The following VPS54 variants were observed in gnomAD, a reference collection of about 807,000 sequenced individuals.
VPS54 encodes the protein VPS54 subunit of GARP complex.
VPS54 carries 45 observed loss-of-function variants against 121.5 expected under a neutral mutation model. The observed-to-expected ratio is 0.37, with a 90% CI of 0.29 to 0.47. The LOEUF (loss-of-function observed/expected upper bound fraction) is 0.47. Among genes scored for constraint, VPS54 ranks in the 20% least tolerant of loss-of-function variants. VPS54 has a pLI of 0.99. For synonymous variants in VPS54, 371 were observed against 385.8 expected (o/e 0.96, Z 0.45); for missense variants, 1,090 against 1,131.4 (o/e 0.96, Z 0.52).
chr2:63,993,949 C>A (rs1267215574), intron 1 of VPS54, among the ~76,000 whole-genome samples: 1 of 152,170 alleles, frequency 6.6e-6, no homozygotes, highest in African/African-American at 2.4e-5. Flanking sequence ...TTCCCCAAAA[C>A]CTTTAAATAT....
At chr2:63,982,627 T>A (rs1018729604) in intron 2 of VPS54, among the ~76,000 whole-genome samples, 2 of 152,206 alleles carry the variant, frequency 1.3e-5, no homozygotes, top group Non-Finnish European at 1.5e-5. Flanking sequence ...TACTATAATT[T>A]ATGCCTGAAT....
chr2:63,923,051 C>T (rs555976202), intron 12 of VPS54, among the ~76,000 whole-genome samples: 29 of 152,164 alleles, frequency 1.9e-4, no homozygotes, highest in African/African-American at 4.1e-4. Context: ...CGGTGGCTCA[C>T]GCCTGTAATC....
At chr2:64,006,057 A>T (rs1678139641) in intron 1 of VPS54, among the ~76,000 whole-genome samples, 1 of 152,236 alleles carries the variant, frequency 6.6e-6, no homozygotes, top group Non-Finnish European at 1.5e-5. Flanking sequence ...AGACTAAAAT[A>T]AATTATGTGA....
At chr2:63,993,082 T>G (rs1007683329) in intron 1 of VPS54, among the ~76,000 whole-genome samples, 2 of 152,206 alleles carry the variant, frequency 1.3e-5, no homozygotes, top group African/African-American at 4.8e-5. Flanking sequence ...AATTTTGAGC[T>G]GCTGTGTTAG....
intron 1 of VPS54, among the ~76,000 whole-genome samples, chr2:63,989,028 G>A (rs955686688): frequency 6.6e-5 from 10 of 152,156 alleles, no homozygotes; most frequent in East Asian, 1.9e-4. Flanking sequence ...TAAAATGGCC[G>A]CTCTGGGAGT....
At chr2:63,897,441 G>T (rs1672492393) in intron 22 of VPS54, 55 bp downstream of exon 22, 1 of 1,231,058 alleles carries the variant, frequency 8.1e-7, no homozygotes, top group South Asian at 1.4e-5. Flanking sequence ...AATCAAAACT[G>T]ATCATTAAAA....
intron 12 of VPS54, among the ~76,000 whole-genome samples, chr2:63,924,872 A>G (rs1673823763): frequency 6.6e-6 from 1 of 152,190 alleles, no homozygotes; most frequent in Non-Finnish European, 1.5e-5. Context: ...TCCATATGGG[A>G]AAAAAATCTT....
At chr2:63,897,348 A>G (rs1672487840) in intron 22 of VPS54, 148 bp downstream of exon 22, 3 of 572,606 alleles carry the variant, frequency 5.2e-6, no homozygotes, top group Non-Finnish European at 9.0e-6. Context: ...ATATTTCCAC[A>G]GGGGAAAAAA....
Position 63,913,243 on chromosome 2 carries a change from GT to G in VPS54, c.2401del (p.Thr801ArgfsTer2). 6.2e-7 allele frequency: 1 copy of G among 1,609,164 alleles called. No homozygotes were observed. The highest frequency in any genetic ancestry group is 2.3e-5 in the East Asian group (1 of 44,340). On this transcript the variant is annotated frameshift_variant, in exon 18 of 23. Coordinates refer to ENST00000272322, the MANE Select transcript of VPS54 (RefSeq NM_016516.3). LOFTEE classifies it high-confidence loss of function. The stretch of plus-strand genomic sequence containing the variant: ...CATACCCAAATTTTTTGTAGTTATC[GT>G]TTTTAGTCCAACAACTTGCAGTGCA... ...AGALQVVGLK[T>X]ITTKNLALSS...
At chr2:63,974,923 T>A in intron 3 of VPS54, 1 of 1,449,374 alleles carries the variant, frequency 6.9e-7, no homozygotes, top group Non-Finnish European at 9.2e-7. Flanking sequence ...TTCCTTTTCT[T>A]ATTACATTAG....
chr2:63,901,003 A>G (rs1575882332), intron 20 of VPS54, among the ~76,000 whole-genome samples: 1 of 152,082 alleles, frequency 6.6e-6, no homozygotes, highest in Non-Finnish European at 1.5e-5. Context: ...CTCGTGATCC[A>G]CCAGCCTCGG....
At chr2:63,954,360 G>A (rs904940916) in intron 7 of VPS54, among the ~76,000 whole-genome samples, 1 of 152,092 alleles carries the variant, frequency 6.6e-6, no homozygotes, top group Non-Finnish European at 1.5e-5. Context: ...ATAAATCCAT[G>A]TATTTATAAT....
intron 5 of VPS54, among the ~76,000 whole-genome samples, chr2:63,967,774 G>C (rs1676075855): frequency 6.8e-6 from 1 of 147,416 alleles, no homozygotes; most frequent in South Asian, 2.1e-4. Context: ...TAAAGGGGTA[G>C]CAGAGGGATG....
chr2:63,929,705 CAA>C (rs71393340), intron 12 of VPS54, among the ~76,000 whole-genome samples: 2 of 129,288 alleles, frequency 1.5e-5, no homozygotes, highest in Non-Finnish European at 1.6e-5. Context: ...AAAAACCCTT[CAA>C]AAAAAAAAAA....
intron 7 of VPS54, among the ~76,000 whole-genome samples, chr2:63,950,114 C>T (rs1675170116): frequency 6.6e-6 from 1 of 152,206 alleles, no homozygotes; most frequent in Non-Finnish European, 1.5e-5. Context: ...TCATTCCTCA[C>T]CCTTGTCACA....
chr2:64,015,470 C>T (rs1374613937), intron 1 of VPS54, among the ~76,000 whole-genome samples: 1 of 152,058 alleles, frequency 6.6e-6, no homozygotes, highest in Non-Finnish European at 1.5e-5. Context: ...AACACTAGGT[C>T]CTTACCAGAA....
chr2:64,011,703 C>G (rs1678440208), intron 1 of VPS54, among the ~76,000 whole-genome samples: 1 of 152,152 alleles, frequency 6.6e-6, no homozygotes. Flanking sequence ...CTTTGGGCCA[C>G]TGATACGATT....
chr2:63,962,742 C>T (rs1383915120), intron 6 of VPS54, among the ~76,000 whole-genome samples: 2 of 152,120 alleles, frequency 1.3e-5, no homozygotes, highest in Non-Finnish European at 2.9e-5. Flanking sequence ...ACAGACATCT[C>T]AAATTACAAT....
chr2:63,956,345 C>T (rs1452485799), intron 7 of VPS54, among the ~76,000 whole-genome samples: 2 of 152,076 alleles, frequency 1.3e-5, no homozygotes, highest in East Asian at 3.9e-4. Flanking sequence ...TCATAATAAA[C>T]TGGAATCTAT....
Sources: gnomAD v4.1 joint callset for allele counts (sites outside exome capture counted in the v4.1 genomes callset) on GRCh38, gnomAD v4.1.1 for gene constraint, MANE v1.5 for transcripts, NCBI Gene and HGNC (gene_info 2026-07-23, HGNC 2026-07-21) for gene names.